The following MROH9 variants were observed in gnomAD, a reference collection of about 807,000 sequenced individuals.
MROH9 encodes the protein maestro heat-like repeat-containing protein family member 9.
Under a neutral mutation model 98.2 loss-of-function variants are expected in MROH9, and 92 were observed. That is an observed-to-expected ratio of 0.94 (90% confidence interval 0.79 to 1.11). The LOEUF (loss-of-function observed/expected upper bound fraction) is 1.11, where lower values mean the gene tolerates loss of function less well. Ranked by LOEUF, MROH9 falls within the 50% of genes most tolerant of loss-of-function variation. The probability of loss-of-function intolerance (pLI) is 0.00; values close to 1 mark genes in which losing one functional copy is unlikely to be tolerated. For synonymous variants in MROH9, 397 were observed against 368.9 expected, an observed-to-expected ratio of 1.08 and a Z score of -0.87; for missense variants, 1,057 against 1,014.8, an observed-to-expected ratio of 1.04 and a Z score of -0.57.
At chr1:171,016,110 C>T (rs2101833946) in intron 16 of MROH9, 53 bp from the exon 17 acceptor site, 3 of 1,269,932 alleles carry the variant, frequency 2.4e-6, no homozygotes, top group Admixed American at 6.9e-5. Context: ...TAAATGTCAG[C>T]TCAAGTCTCC....
At chr1:171,013,048 C>A (rs1652213918) in intron 15 of MROH9, among the ~76,000 whole-genome samples, 1 of 152,092 alleles carries the variant, frequency 6.6e-6, no homozygotes, top group Admixed American at 6.5e-5. Flanking sequence ...ACACACCCTG[C>A]TTCATATTCC....
chr1:170,986,166 A>C (rs531835152), intron 9 of MROH9, among the ~76,000 whole-genome samples: 1 of 152,260 alleles, frequency 6.6e-6, no homozygotes, highest in South Asian at 2.1e-4. Context: ...TTTCTGTAAA[A>C]GAGGAAAGTC....
intron 12 of MROH9, among the ~76,000 whole-genome samples, 160 bp downstream of exon 12, chr1:170,992,489 C>T (rs1651397438): frequency 6.6e-6 from 1 of 152,118 alleles, no homozygotes; most frequent in Non-Finnish European, 1.5e-5. Context: ...ATTTGCTATG[C>T]CCTATTATGG....
At chr1:171,059,143 G>GA (rs147879572) in intron 20 of MROH9, among the ~76,000 whole-genome samples, 10,239 of 151,924 alleles carry the variant, frequency 0.067, 1,161 homozygotes, top group African/African-American at 0.23. Context: ...AAATTTACAA[G>GA]AAAAAAACAA....
At chr1:170,990,167 G>A (rs16863926) in intron 11 of MROH9, among the ~76,000 whole-genome samples, 164 bp downstream of exon 11, 35,036 of 152,066 alleles carry the variant, frequency 0.23, 4,685 homozygotes, top group African/African-American at 0.37. Flanking sequence ...GTAAGACTCA[G>A]ATAAGATCAT....
intron 7 of MROH9, among the ~76,000 whole-genome samples, chr1:170,971,198 A>G (rs954435290): frequency 2.6e-5 from 4 of 152,214 alleles, no homozygotes; most frequent in Admixed American, 2.6e-4. Context: ...AAAGAAATAC[A>G]GAAATATTTT....
intron 9 of MROH9, among the ~76,000 whole-genome samples, chr1:170,984,296 A>G (rs1307197090): frequency 2.6e-5 from 4 of 152,306 alleles, no homozygotes; most frequent in Middle Eastern, 3.4e-3. Context: ...GTCTTCTTCC[A>G]TGGCTGAGAT....
chr1:170,943,993 T>A (rs1363983085), intron 1 of MROH9, among the ~76,000 whole-genome samples: 1 of 151,952 alleles, frequency 6.6e-6, no homozygotes, highest in East Asian at 1.9e-4. Context: ...CTTGAAAGTA[T>A]AAAAATAATA....
rs144351950 is a variant in MROH9 at position 170,979,284 on chromosome 1, C to T, written c.617-4138C>T. On this transcript the variant is annotated intron_variant, in intron 8 of 21. Coordinates refer to ENST00000367759, the MANE Select transcript of MROH9 (RefSeq NM_001163629.2). ...GAAATACTGAATGATTTCCCTGAAACATCAGAAACAAGGCAAGGATGTGCA... is the reference window on the plus strand; with the variant it reads ...GAAATACTGAATGATTTCCCTGAAATATCAGAAACAAGGCAAGGATGTGCA... Among the ~76,000 whole-genome samples the T allele has an allele frequency of 2.6e-5, 4 of 152,158 alleles. No homozygotes were observed. The East Asian group carries it at 7.7e-4, about 29-fold the overall frequency.
chr1:171,057,651 C>G (rs1653887921), intron 20 of MROH9, among the ~76,000 whole-genome samples: 1 of 152,172 alleles, frequency 6.6e-6, no homozygotes, highest in South Asian at 2.1e-4. Flanking sequence ...AGACAAACCC[C>G]AAGATACATA....
At chr1:171,029,280 G>A (rs570274287) in intron 20 of MROH9, among the ~76,000 whole-genome samples, 4 of 151,426 alleles carry the variant, frequency 2.6e-5, no homozygotes, top group Non-Finnish European at 2.9e-5. Flanking sequence ...GCACAATCTC[G>A]GCTCACTGCA....
chr1:170,998,647 T>C (rs1651678028), intron 15 of MROH9: 1 of 1,154,410 alleles, frequency 8.7e-7, no homozygotes, highest in African/African-American at 1.6e-5. Context: ...TCTGACCATC[T>C]AGAGGGAGAA....
intron 1 of MROH9, among the ~76,000 whole-genome samples, chr1:170,935,899 G>A (rs915595078): frequency 6.2e-5 from 9 of 145,534 alleles, no homozygotes; most frequent in Middle Eastern, 3.6e-3. Flanking sequence ...GGCTGAGGCA[G>A]GAGAATCACT....
intron 3 of MROH9, among the ~76,000 whole-genome samples, chr1:170,950,250 A>G (rs867458998): frequency 2.6e-5 from 4 of 152,088 alleles, no homozygotes; most frequent in African/African-American, 9.7e-5. Flanking sequence ...TTGAACAAAC[A>G]ATGAAGTTGA....
intron 17 of MROH9, among the ~76,000 whole-genome samples, chr1:171,018,155 G>C (rs932210263): frequency 6.6e-6 from 1 of 152,062 alleles, no homozygotes. Context: ...CAGGCATCAG[G>C]TTGGTGCCCC....
intron 3 of MROH9, among the ~76,000 whole-genome samples, chr1:170,957,016 C>CTT (rs36026353): frequency 0.26 from 36,495 of 139,008 alleles, 5,473 homozygotes; most frequent in Middle Eastern, 0.41. Flanking sequence ...GGATTATCTG[C>CTT]TTTTTTTTTT....
chr1:171,025,935 C>T (rs945560163), intron 20 of MROH9, among the ~76,000 whole-genome samples: 3 of 152,252 alleles, frequency 2.0e-5, no homozygotes, highest in East Asian at 1.9e-4. Flanking sequence ...TGTACTAGCT[C>T]TCACTGTGAA....
In MROH9 at chr1:170,990,038, G is replaced by A. The variant is rs551877320; in HGVS notation, c.1028+35G>A. The A allele has an allele frequency of 5.1e-6, 8 of 1,576,470 alleles. 1 individual carries two copies. The Admixed American group carries it at 1.4e-4, about 27-fold the overall frequency. On this transcript the variant is annotated intron_variant, in intron 11 of 21. Transcript: ENST00000367759. ...CCCAACCCTCTGTCCCTTCCACAAGGGCTTGTTCACAGGCTGCACTGTCAG... is the reference window on the plus strand; with the variant it reads ...CCCAACCCTCTGTCCCTTCCACAAGAGCTTGTTCACAGGCTGCACTGTCAG...
chr1:171,012,158 A>T (rs969087231), intron 15 of MROH9, among the ~76,000 whole-genome samples: 6 of 151,974 alleles, frequency 3.9e-5, no homozygotes, highest in Non-Finnish European at 8.8e-5. Flanking sequence ...TAAGATTTTG[A>T]TCCACAAATT....
Sources: allele counts gnomAD v4.1 joint callset (sites outside exome capture counted in the v4.1 genomes callset), GRCh38; gene constraint gnomAD v4.1.1; transcripts MANE v1.5; gene names NCBI Gene and HGNC (gene_info 2026-07-23, HGNC 2026-07-21).